Variants in C1GALT1 observed in about 807,000 individuals in gnomAD.
C1GALT1 encodes glycoprotein-N-acetylgalactosamine 3-beta-galactosyltransferase 1.
In C1GALT1, 11 loss-of-function variants were observed where a neutral mutation model predicts 31.0. The ratio of observed to expected loss-of-function variants is 0.36; its 90% CI spans 0.22 to 0.59. The LOEUF is 0.59. C1GALT1 is among the 20% of genes least tolerant of loss of function. C1GALT1 has a pLI of 0.79. For synonymous variants in C1GALT1, 175 were observed against 143.6 expected, an observed-to-expected ratio of 1.22 and a Z score of -1.56; for missense variants, 424 against 425.2, an observed-to-expected ratio of 1.00 and a Z score of 0.03.
intron 1 of C1GALT1, among the ~76,000 whole-genome samples, chr7:7,206,369 C>CA (rs1384444185): frequency 6.6e-6 from 1 of 151,878 alleles, no homozygotes; most frequent in Non-Finnish European, 1.5e-5. Context: ...CTCTACAGAG[C>CA]AGGTCTTTTG....
At chr7:7,187,311 G>A (rs1268262145) in intron 1 of C1GALT1, among the ~76,000 whole-genome samples, 1 of 151,356 alleles carries the variant, frequency 6.6e-6, no homozygotes, top group Non-Finnish European at 1.5e-5. Flanking sequence ...GTGCAGTGGC[G>A]CGATCTCAGC....
Position 7,204,903 on chromosome 7 carries a change from GCTAT to G in C1GALT1, c.-18+22086_-18+22089del, listed in dbSNP as rs540684334. Among the ~76,000 whole-genome samples, 151 of 152,176 alleles carry G rather than the reference GCTAT, an allele frequency of 9.9e-4. 2 individuals are homozygous for G. Among genetic ancestry groups the G allele is most frequent in the African/African-American group, 3.4e-3 (142 of 41,528 alleles). Reference sequence around the variant, plus strand: ...TGTGCTCAGAGAAGATACTTTGTATGCTATCTGTCTTTTAAAATCTATTAACACT... The same window carrying G: ...TGTGCTCAGAGAAGATACTTTGTATGCTGTCTTTTAAAATCTATTAACACT... On this transcript the variant is annotated intron_variant, in intron 1 of 3. Coordinates refer to ENST00000436587, the MANE Select transcript of C1GALT1 (RefSeq NM_020156.5).
chr7:7,185,950 T>TG (rs1780795211), intron 1 of C1GALT1, among the ~76,000 whole-genome samples: 1 of 152,340 alleles, frequency 6.6e-6, no homozygotes, highest in East Asian at 1.9e-4. Context: ...TGTTTTCTGT[T>TG]GCCTCTAGCA....
intron 2 of C1GALT1, among the ~76,000 whole-genome samples, chr7:7,162,781 T>C (rs1346300978): frequency 6.6e-6 from 1 of 152,118 alleles, no homozygotes; most frequent in African/African-American, 2.4e-5. Context: ...GAACCTGTTG[T>C]TTCCTGACTT....
chr7:7,243,971 T>C lies in C1GALT1; in HGVS notation c.*244T>C, dbSNP rs1321334699. The stretch of plus-strand genomic sequence containing the variant: ...ATATGAGGAACTTGTGTTTTTTAAA[T>C]GGTGGCCAGGTAGAGGAACTAGAAA... On this transcript the variant is annotated 3_prime_UTR_variant, in exon 4 of 4. Coordinates refer to ENST00000436587, the MANE Select transcript of C1GALT1 (RefSeq NM_020156.5). 3.8e-6 allele frequency: 1 copy of C among 260,408 alleles called. No individual in the cohort carries two copies. The highest frequency in any genetic ancestry group is 2.2e-5 in the African/African-American group (1 of 45,126). The allele number at this position is 260,408 out of a possible 1,614,324, so 16.1% of individuals were successfully genotyped here.
At chr7:7,185,116 G>A (rs575928583) in intron 1 of C1GALT1, among the ~76,000 whole-genome samples, 9 of 152,180 alleles carry the variant, frequency 5.9e-5, no homozygotes, top group African/African-American at 1.7e-4. Flanking sequence ...TAAAGAAACT[G>A]GTGTTTGTGA....
chr7:7,225,764 G>A (rs747143346), intron 1 of C1GALT1, among the ~76,000 whole-genome samples: 34 of 152,090 alleles, frequency 2.2e-4, no homozygotes, highest in Admixed American at 1.4e-3. Flanking sequence ...CTTAGAGCCC[G>A]TGGACTTTTC....
At chr7:7,242,032 A>G (rs751409893) in intron 3 of C1GALT1, among the ~76,000 whole-genome samples, 3 of 152,022 alleles carry the variant, frequency 2.0e-5, no homozygotes, top group Non-Finnish European at 4.4e-5. Context: ...ACTGGACAGT[A>G]TAGTAGCCAC....
intron 1 of C1GALT1, among the ~76,000 whole-genome samples, chr7:7,218,549 G>A (rs1782355458): frequency 6.6e-6 from 1 of 152,150 alleles, no homozygotes; most frequent in Admixed American, 6.5e-5. Context: ...GATGAATAAG[G>A]TGAGCTGCTT....
chr7:7,157,949 C>T (rs376804313), intron 2 of C1GALT1, among the ~76,000 whole-genome samples: 2 of 152,146 alleles, frequency 1.3e-5, no homozygotes, highest in Non-Finnish European at 2.9e-5. Context: ...ATTTCAGGAA[C>T]CTCAGTCAGA....
At chr7:7,232,294 C>T (rs779634681) in intron 1 of C1GALT1, among the ~76,000 whole-genome samples, 16 of 152,158 alleles carry the variant, frequency 1.1e-4, no homozygotes, top group Non-Finnish European at 1.3e-4. Context: ...TCCAGAAATA[C>T]ATGAAGTTGT....
At chr7:7,184,772 C>T (rs1780738578) in intron 1 of C1GALT1, among the ~76,000 whole-genome samples, 1 of 152,116 alleles carries the variant, frequency 6.6e-6, no homozygotes, top group African/African-American at 2.4e-5. Flanking sequence ...TTTAAGCTTC[C>T]CAATACAACC....
intron 1 of C1GALT1, among the ~76,000 whole-genome samples, chr7:7,219,473 CCT>C (rs1361921052): frequency 2.0e-5 from 3 of 152,106 alleles, no homozygotes; most frequent in Non-Finnish European, 4.4e-5. Context: ...TGTTCTCCTT[CCT>C]CTCAGTTTTG....
At chr7:7,179,007 G>A (rs1250511239), upstream of C1GALT1, among the ~76,000 whole-genome samples, 1 of 152,182 alleles carries the variant, frequency 6.6e-6, no homozygotes, top group Admixed American at 6.5e-5. Context: ...TCATTTGAAG[G>A]CCTGAAGGGT....
chr7:7,199,202 C>CTTAT lies in C1GALT1; in HGVS notation c.-18+16384_-18+16385insATTT. Among the ~76,000 whole-genome samples, 3 of 152,306 alleles carry CTTAT rather than the reference C, an allele frequency of 2.0e-5. No individual in the cohort carries two copies. In the Middle Eastern group the frequency reaches 0.01, roughly 518 times the overall value. ...GCTATAAATTTCCCTCTACACACTGCTTTAAATGTGTCCCAGAGATTCTGG... is the reference window on the plus strand; with the variant it reads ...GCTATAAATTTCCCTCTACACACTGCTTATTTTAAATGTGTCCCAGAGATTCTGG... On this transcript the variant is annotated intron_variant, in intron 1 of 3. Coordinates refer to ENST00000436587, the MANE Select transcript of C1GALT1 (RefSeq NM_020156.5).
intron 2 of C1GALT1, among the ~76,000 whole-genome samples, chr7:7,163,773 C>T (rs145613878): frequency 0.023 from 3,457 of 152,166 alleles, 124 homozygotes; most frequent in East Asian, 0.15. Context: ...CGTGAAGGAC[C>T]TCCTCAAGGA....
At chr7:7,210,280 G>A (rs1003857944) in intron 1 of C1GALT1, among the ~76,000 whole-genome samples, 5 of 152,062 alleles carry the variant, frequency 3.3e-5, no homozygotes, top group Admixed American at 3.3e-4. Flanking sequence ...TGGAGACTTG[G>A]GGAGCTTGAT....
chr7:7,220,750 G>A (rs1302963890), intron 1 of C1GALT1, among the ~76,000 whole-genome samples: 1 of 152,156 alleles, frequency 6.6e-6, no homozygotes, highest in African/African-American at 2.4e-5. Flanking sequence ...TTGATCTCTT[G>A]ACCTTGTGAT....
At chr7:7,210,688 G>T (rs113753077) in intron 1 of C1GALT1, 1 of 152,012 alleles carries the variant, frequency 6.6e-6, no homozygotes, top group African/African-American at 2.4e-5. Context: ...CTTCCACCCT[G>T]GTCTTTTAAT....
Sources: gnomAD v4.1 joint callset for allele counts (sites outside exome capture counted in the v4.1 genomes callset) on GRCh38, gnomAD v4.1.1 for gene constraint, MANE v1.5 for transcripts, NCBI Gene and HGNC (gene_info 2026-07-23, HGNC 2026-07-21) for gene names.